TPD52: variants seen among roughly 807,000 people sequenced by gnomAD.
TPD52 encodes the protein tumor protein D52.
A neutral mutation model predicts 31.3 loss-of-function variants in TPD52; 17 were observed. That is an observed-to-expected ratio of 0.54 (90% CI 0.37 to 0.82). TPD52 has a LOEUF of 0.82. TPD52 is among the 40% of genes least tolerant of loss of function. The pLI, the probability that TPD52 is intolerant of heterozygous loss-of-function variation, is 0.00. For missense variants in TPD52, 212 were observed against 240.1 expected, an observed-to-expected ratio of 0.88 and a Z score of 0.77; for synonymous variants, 83 against 89.6, an observed-to-expected ratio of 0.93 and a Z score of 0.42.
At chr8:80,074,378 C>A (rs550537302) in intron 1 of TPD52, among the ~76,000 whole-genome samples, 1 of 152,330 alleles carries the variant, frequency 6.6e-6, no homozygotes, top group African/African-American at 2.4e-5. Context: ...ATTCTCTGTG[C>A]CTTGTTGTTT....
At chr8:80,103,401 A>G (rs1196712580) in intron 1 of TPD52, among the ~76,000 whole-genome samples, 1 of 152,250 alleles carries the variant, frequency 6.6e-6, no homozygotes, top group Non-Finnish European at 1.5e-5. Flanking sequence ...ATACTTTATA[A>G]AAGTTTCCCC....
chr8:80,039,665 T>C (rs1810191810), intron 7 of TPD52, among the ~76,000 whole-genome samples: 1 of 152,048 alleles, frequency 6.6e-6, no homozygotes, highest in Non-Finnish European at 1.5e-5. Flanking sequence ...TGCCCCAAGT[T>C]CAAACTCTGC....
chr8:80,052,697 G>A lies in TPD52; in HGVS notation c.284+585C>T, dbSNP rs193020425. 345 of 1,288,096 alleles carry A rather than the reference G, an allele frequency of 2.7e-4. 1 individual carries two copies. The African/African-American group carries it at 4.7e-3, about 18-fold the overall frequency. 79.8% of individuals were successfully genotyped at this position (1,288,096 alleles called of 1,614,324 possible). On this transcript the variant is annotated intron_variant, in intron 3 of 7. Transcript: ENST00000518937. ...CCTCCTTGTGCCGGGAAACAAAACT[G>A]CATTATGATAATGCTATATCATAGC...
At chr8:80,132,809 A>C (rs943757132) in intron 1 of TPD52, among the ~76,000 whole-genome samples, 1 of 152,176 alleles carries the variant, frequency 6.6e-6, no homozygotes, top group African/African-American at 2.4e-5. Context: ...CTATTGATTC[A>C]GAGAAAGAAA....
At chr8:80,151,243 C>T (rs916355852) in intron 1 of TPD52, among the ~76,000 whole-genome samples, 1 of 152,162 alleles carries the variant, frequency 6.6e-6, no homozygotes, top group Non-Finnish European at 1.5e-5. Context: ...GCCTCCCCAG[C>T]CATGTGAAGT....
intron 7 of TPD52, among the ~76,000 whole-genome samples, chr8:80,040,510 A>G (rs892264524): frequency 1.1e-4 from 16 of 152,136 alleles, no homozygotes; most frequent in Admixed American, 3.3e-4. Context: ...ATGTTTTTAA[A>G]TTACACTTTT....
chr8:80,132,397 G>A (rs775548608), intron 1 of TPD52, among the ~76,000 whole-genome samples: 5 of 152,012 alleles, frequency 3.3e-5, no homozygotes, highest in African/African-American at 1.2e-4. Context: ...TGGTAGAGAC[G>A]TGGTTTTTCC....
chr8:80,163,212 T>A (rs971729882), intron 1 of TPD52, among the ~76,000 whole-genome samples: 1 of 152,174 alleles, frequency 6.6e-6, no homozygotes, highest in Non-Finnish European at 1.5e-5. Context: ...AGCCAAGATG[T>A]GGAAGCAACC....
chr8:80,122,208 A>C (rs905902958), intron 1 of TPD52, among the ~76,000 whole-genome samples: 11 of 152,202 alleles, frequency 7.2e-5, no homozygotes, highest in African/African-American at 2.7e-4. Flanking sequence ...AACAAAACAG[A>C]AAGTAAGACA....
chr8:80,064,903 G>C (rs1812954399), intron 1 of TPD52: 1 of 517,750 alleles, frequency 1.9e-6, no homozygotes, highest in African/African-American at 1.9e-5. Flanking sequence ...AGATCTTGCT[G>C]AGACTTTAAA....
In TPD52 at chr8:80,042,670, T is replaced by G. The variant is rs757180610; in HGVS notation, c.456-2A>C. 3.7e-6 allele frequency: 6 copies of G among 1,610,456 alleles called. No individual in the cohort carries two copies. Among genetic ancestry groups the G allele is most frequent in the Non-Finnish European group, 5.1e-6 (6 of 1,178,832 alleles). On this transcript the variant is annotated splice_acceptor_variant, in intron 6 of 7. Transcript: ENST00000518937. LOFTEE classifies it high-confidence loss of function. ...AATGATTTAAAAGTTGGGGAGTTTC[T>G]ATGGAGAGAAAAGAAAAACAAATAG...
At chr8:80,088,730 T>A (rs1486546844) in intron 1 of TPD52, among the ~76,000 whole-genome samples, 2 of 152,054 alleles carry the variant, frequency 1.3e-5, no homozygotes, top group African/African-American at 4.8e-5. Context: ...CTTTAGGAGG[T>A]AATTAAGATT....
chr8:80,080,563 A>AACCCCC, intron 1 of TPD52: 1 of 1,470,460 alleles, frequency 6.8e-7, no homozygotes, highest in Non-Finnish European at 9.0e-7. Context: ...TGAAGAAATC[A>AACCCCC]ACCCCAGGAG....
chr8:80,038,314 AC>A, intron 7 of TPD52, 79 bp from the exon 8 acceptor site: 1 of 1,461,602 alleles, frequency 6.8e-7, no homozygotes, highest in Non-Finnish European at 9.4e-7. Context: ...ACTCTAATTC[AC>A]TTTCAAGAAC....
chr8:80,032,482 T>C (rs562126103), downstream of TPD52, among the ~76,000 whole-genome samples: 4 of 152,268 alleles, frequency 2.6e-5, no homozygotes, highest in African/African-American at 9.6e-5. Context: ...GGAGGGAACA[T>C]CGCTTGAGCC....
At chr8:80,145,363 G>A (rs761625960) in intron 1 of TPD52, among the ~76,000 whole-genome samples, 3 of 152,192 alleles carry the variant, frequency 2.0e-5, no homozygotes, top group Admixed American at 1.3e-4. Context: ...ATCTTTGAGC[G>A]GGCATGGCAG....
chr8:80,074,406 C>T (rs756176450), intron 1 of TPD52, among the ~76,000 whole-genome samples: 12 of 152,162 alleles, frequency 7.9e-5, no homozygotes, highest in Non-Finnish European at 1.6e-4. Flanking sequence ...TAATAAAATC[C>T]CAGAAGTGGG....
At chr8:80,093,131 G>A (rs1472326816) in intron 1 of TPD52, among the ~76,000 whole-genome samples, 1 of 152,100 alleles carries the variant, frequency 6.6e-6, no homozygotes, top group Non-Finnish European at 1.5e-5. Flanking sequence ...AACAGGGTGT[G>A]CACATGCTTG....
chr8:80,139,386 A>T (rs1398890858), intron 1 of TPD52, among the ~76,000 whole-genome samples: 2 of 151,456 alleles, frequency 1.3e-5, no homozygotes, highest in East Asian at 3.9e-4. Flanking sequence ...ACCCACATCC[A>T]TCAGCAGCCT....
Sources: gnomAD v4.1 joint callset for allele counts (sites outside exome capture counted in the v4.1 genomes callset) on GRCh38, gnomAD v4.1.1 for gene constraint, MANE v1.5 for transcripts, NCBI Gene and HGNC (gene_info 2026-07-23, HGNC 2026-07-21) for gene names.